Variants in INPP4B observed in about 807,000 individuals in gnomAD.
The protein encoded by INPP4B is inositol polyphosphate-4-phosphatase type II B.
In INPP4B, 55 loss-of-function variants were observed where a neutral mutation model predicts 122.5. The ratio of observed to expected loss-of-function variants is 0.45; its 90% confidence interval spans 0.36 to 0.56. The LOEUF (loss-of-function observed/expected upper bound fraction) is 0.56, where lower values mean the gene tolerates loss of function less well. Ranked by LOEUF, INPP4B falls within the 20% of genes least tolerant of loss-of-function variation. The pLI is 0.00. For synonymous variants in INPP4B, 403 were observed against 388.7 expected, an observed-to-expected ratio of 1.04 and a Z score of -0.43; for missense variants, 1,000 against 1,097.7, an observed-to-expected ratio of 0.91 and a Z score of 1.26.
At chr4:142,784,963 C>T (rs773182501) in intron 1 of INPP4B, among the ~76,000 whole-genome samples, 5 of 151,976 alleles carry the variant, frequency 3.3e-5, no homozygotes, top group Non-Finnish European at 5.9e-5. Context: ...GGTACACAGC[C>T]TACTAAAAGA....
chr4:142,072,405 C>T (rs1272610231), intron 25 of INPP4B, among the ~76,000 whole-genome samples: 1 of 151,640 alleles, frequency 6.6e-6, no homozygotes, highest in African/African-American at 2.4e-5. Flanking sequence ...TGCAGCATAC[C>T]AACATGGCAC....
chr4:142,655,228 A>C (rs1753902003), intron 2 of INPP4B, among the ~76,000 whole-genome samples: 1 of 152,238 alleles, frequency 6.6e-6, no homozygotes, highest in Non-Finnish European at 1.5e-5. Flanking sequence ...GATGCTTATG[A>C]AAATCATCTC....
chr4:142,621,256 C>CA (rs547311916), intron 2 of INPP4B, among the ~76,000 whole-genome samples: 5 of 151,458 alleles, frequency 3.3e-5, no homozygotes, highest in Non-Finnish European at 5.9e-5. Context: ...ACCAAATCTG[C>CA]AAAAAAATAG....
intron 2 of INPP4B, among the ~76,000 whole-genome samples, chr4:142,670,130 C>G (rs1756779921): frequency 6.6e-6 from 1 of 152,100 alleles, no homozygotes; most frequent in African/African-American, 2.4e-5. Flanking sequence ...ACTTAAGAGT[C>G]ACCTAGTAGC....
At chr4:142,715,790 G>C (rs1407750646) in intron 2 of INPP4B, among the ~76,000 whole-genome samples, 1 of 152,152 alleles carries the variant, frequency 6.6e-6, no homozygotes, top group African/African-American at 2.4e-5. Flanking sequence ...TGCATTTTAG[G>C]CTGGGACCAT....
chr4:142,321,137 T>G (rs909807695), intron 7 of INPP4B, among the ~76,000 whole-genome samples: 1 of 152,212 alleles, frequency 6.6e-6, no homozygotes, highest in African/African-American at 2.4e-5. Flanking sequence ...CTATTATTTT[T>G]TTGATTTTTT....
intron 22 of INPP4B, among the ~76,000 whole-genome samples, chr4:142,110,807 T>A (rs1002959263): frequency 6.6e-6 from 1 of 152,092 alleles, no homozygotes; most frequent in African/African-American, 2.4e-5. Flanking sequence ...ACAATCACAA[T>A]AACATGAATG....
At chr4:142,390,360 T>C (rs1167236433) in intron 7 of INPP4B, among the ~76,000 whole-genome samples, 1 of 152,190 alleles carries the variant, frequency 6.6e-6, no homozygotes, top group Admixed American at 6.5e-5. Context: ...CCTCTATCAA[T>C]GAGTAAAGGT....
rs903970798 is a variant in INPP4B at position 142,517,285 on chromosome 4, G to A, written c.-190-54559C>T. Among the ~76,000 whole-genome samples the A allele has an allele frequency of 3.3e-5, 5 of 152,144 alleles. No individual in the cohort carries two copies. In the East Asian group the frequency reaches 5.8e-4, roughly 18 times the overall value. The stretch of plus-strand genomic sequence containing the variant: ...AATAATAGTCATTGGGTCTATTAAA[G>A]CACCATGAGTGTCAAGCAGCAGGGC... On this transcript the variant is annotated intron_variant, in intron 2 of 25. Transcript: ENST00000262992.
chr4:142,150,982 T>C (rs1446154596), intron 17 of INPP4B, among the ~76,000 whole-genome samples: 2 of 152,230 alleles, frequency 1.3e-5, no homozygotes, highest in Admixed American at 1.3e-4. Flanking sequence ...TGTATTTCCA[T>C]GAATAATTTC....
chr4:142,728,053 TA>T (rs534501380), intron 1 of INPP4B, among the ~76,000 whole-genome samples: 96 of 152,036 alleles, frequency 6.3e-4, no homozygotes, highest in Non-Finnish European at 9.1e-4. Context: ...ACTGGAAGCA[TA>T]AAAAAAGGAA....
At chr4:142,029,341 T>A in intron 25 of INPP4B, 1 of 984,762 alleles carries the variant, frequency 1.0e-6, no homozygotes, top group Non-Finnish European at 1.2e-6. Flanking sequence ...TCTGGCCCTA[T>A]AGATTTTTAA....
chr4:142,477,005 C>T (rs978698526), intron 2 of INPP4B, among the ~76,000 whole-genome samples: 8 of 152,230 alleles, frequency 5.3e-5, no homozygotes, highest in Admixed American at 3.3e-4. Flanking sequence ...TTCTTCTCAT[C>T]GGAACATGGC....
At chr4:142,255,719 C>T (rs1735532923) in intron 11 of INPP4B, among the ~76,000 whole-genome samples, 1 of 152,114 alleles carries the variant, frequency 6.6e-6, no homozygotes, top group Non-Finnish European at 1.5e-5. Flanking sequence ...CCTGAGTGAC[C>T]TACAAAGAGA....
chr4:142,268,008 A>T (rs1430036473), intron 10 of INPP4B, among the ~76,000 whole-genome samples: 1 of 151,976 alleles, frequency 6.6e-6, no homozygotes, highest in African/African-American at 2.4e-5. Context: ...TATTTCACAC[A>T]TGTCAGAATG....
intron 9 of INPP4B, among the ~76,000 whole-genome samples, chr4:142,271,740 A>C (rs767185386): frequency 8.5e-5 from 13 of 152,180 alleles, no homozygotes; most frequent in Non-Finnish European, 1.9e-4. Flanking sequence ...TGGCAATTTC[A>C]GGTTTCTATC....
At chr4:142,253,444 G>C (rs1014526661) in intron 11 of INPP4B, among the ~76,000 whole-genome samples, 1 of 152,200 alleles carries the variant, frequency 6.6e-6, no homozygotes, top group Non-Finnish European at 1.5e-5. Context: ...CTGAGGTACC[G>C]GGTTCATCTC....
At chr4:142,371,260 T>C (rs538646340) in intron 7 of INPP4B, among the ~76,000 whole-genome samples, 23 of 152,202 alleles carry the variant, frequency 1.5e-4, no homozygotes, top group Non-Finnish European at 2.5e-4. Flanking sequence ...TCTCACCATA[T>C]ACATAAATCA....
At chr4:142,278,820 A>C (rs1749846261) in intron 9 of INPP4B, among the ~76,000 whole-genome samples, 1 of 151,902 alleles carries the variant, frequency 6.6e-6, no homozygotes, top group South Asian at 2.1e-4. Context: ...TGTGCATGGA[A>C]AGATCTGATA....
Sources: allele counts gnomAD v4.1 joint callset (sites outside exome capture counted in the v4.1 genomes callset), GRCh38; gene constraint gnomAD v4.1.1; transcripts MANE v1.5; gene names NCBI Gene and HGNC (gene_info 2026-07-23, HGNC 2026-07-21).